Variants in TMEM276 observed in about 807,000 individuals in gnomAD.
TMEM276 encodes the protein transmembrane protein 276.
At chr8:144,466,950 G>A in the TMEM276 span, 73 of 1,589,620 alleles carry the variant, frequency 4.6e-5, no homozygotes, top group Non-Finnish European at 6.0e-5. Flanking sequence ...CCTCCTCCCT[G>A]ACCGGCAGCC....
At chr8:144,464,180 C>T in the TMEM276 span, 1 of 1,613,102 alleles carries the variant, frequency 6.2e-7, no homozygotes, top group Non-Finnish European at 8.5e-7. Flanking sequence ...GCCCAGCTGC[C>T]TACAGCCAAG....
chr8:144,463,827 C>T, the TMEM276 span: 1 of 1,296,788 alleles, frequency 7.7e-7, no homozygotes, highest in Non-Finnish European at 9.8e-7. Flanking sequence ...TTTTCATATT[C>T]CTGCAAAATT....
At chr8:144,464,085 G>C in the TMEM276 span, 2 of 1,573,640 alleles carry the variant, frequency 1.3e-6, no homozygotes, top group African/African-American at 1.3e-5. Flanking sequence ...GGGAGGGAAA[G>C]TGTTCGGCAG....
chr8:144,465,033 A>G, the TMEM276 span: 6 of 1,534,846 alleles, frequency 3.9e-6, no homozygotes, highest in African/African-American at 6.8e-5. Context: ...CCAGGTCCCC[A>G]TTACTGGATG....
chr8:144,464,486 G>T, the TMEM276 span: 2 of 1,612,374 alleles, frequency 1.2e-6, no homozygotes, highest in Non-Finnish European at 8.5e-7. Flanking sequence ...GCCAGAAGGG[G>T]AAGGCCGATG....
At chr8:144,464,234 C>T in the TMEM276 span, 1 of 1,612,904 alleles carries the variant, frequency 6.2e-7, no homozygotes, top group Non-Finnish European at 8.5e-7. Context: ...AGCAGCCTGT[C>T]CTCCTCCAGC....
At chr8:144,466,982 TCGGAAGGCGCAGCCGAGGGC>T in the TMEM276 span, 2 of 1,595,958 alleles carry the variant, frequency 1.3e-6, no homozygotes, top group Non-Finnish European at 1.7e-6. Context: ...TGAGGATGGG[TCGGAAGGCGCAGCCGAGGGC>T]CGCGCGGCCG....
the TMEM276 span, chr8:144,464,446 C>T: frequency 2.5e-6 from 4 of 1,612,088 alleles, no homozygotes; most frequent in African/African-American, 1.3e-5. Context: ...GGCAGAGGAG[C>T]GGTCCCCATT....
At chr8:144,464,679 G>A in the TMEM276 span, 2 of 1,572,396 alleles carry the variant, frequency 1.3e-6, no homozygotes, top group Non-Finnish European at 1.7e-6. Context: ...AAACAGGAAA[G>A]GGTTTGGGGC....
chr8:144,464,329 G>C, the TMEM276 span: 5 of 1,612,596 alleles, frequency 3.1e-6, no homozygotes, highest in Non-Finnish European at 4.2e-6. Context: ...AATGAGGATG[G>C]TCACTGCGAC....
At chr8:144,466,567 C>G in the TMEM276 span, 1 of 1,025,376 alleles carries the variant, frequency 9.8e-7, no homozygotes, top group Non-Finnish European at 1.2e-6. Flanking sequence ...GCCTGCCCCA[C>G]CCCCACGCCG....
At chr8:144,464,302 G>A in the TMEM276 span, 105 of 1,613,088 alleles carry the variant, frequency 6.5e-5, 1 homozygote, top group Non-Finnish European at 8.4e-5. Context: ...ATAAGTGTTG[G>A]CCGTGAAGAC....
chr8:144,466,820 G>A, the TMEM276 span: 11 of 1,537,378 alleles, frequency 7.2e-6, no homozygotes, highest in South Asian at 1.3e-4. Context: ...GCTGTGGACC[G>A]AGCTGACCGG....
At chr8:144,465,050 G>C in the TMEM276 span, 1 of 1,533,286 alleles carries the variant, frequency 6.5e-7, no homozygotes. Flanking sequence ...GATGTTAGGA[G>C]AAGTTCAGTC....
the TMEM276 span, chr8:144,464,070 C>A: frequency 6.4e-7 from 1 of 1,561,174 alleles, no homozygotes. Flanking sequence ...CAGGAGCAGG[C>A]AGGTGGGAGG....
At chr8:144,466,706 G>A in the TMEM276 span, 3 of 1,393,664 alleles carry the variant, frequency 2.2e-6, no homozygotes, top group East Asian at 2.8e-5. Flanking sequence ...CGGAGGGAAG[G>A]GGCCAGCAGG....
At chr8:144,463,925 C>A in the TMEM276 span, 1 of 1,443,130 alleles carries the variant, frequency 6.9e-7, no homozygotes, top group Non-Finnish European at 9.1e-7. Context: ...GTCTGGGACC[C>A]TGTCCCTTTC....
the TMEM276 span, chr8:144,464,436 G>A: frequency 7.4e-6 from 12 of 1,612,280 alleles, no homozygotes; most frequent in Admixed American, 3.3e-5. Flanking sequence ...GGAGCAGGTT[G>A]GCAGAGGAGC....
the TMEM276 span, chr8:144,466,368 C>A: frequency 2.6e-6 from 2 of 762,836 alleles, no homozygotes; most frequent in Non-Finnish European, 3.4e-6. Flanking sequence ...CGAGTCTGGG[C>A]GCGGGGACGC....
Sources: allele counts gnomAD v4.1 joint callset, GRCh38; gene constraint gnomAD v4.1.1; transcripts MANE v1.5; gene names NCBI Gene and HGNC (gene_info 2026-07-23, HGNC 2026-07-21).